The following PRSS23 variants were observed in gnomAD, a reference collection of about 807,000 sequenced individuals.
The protein encoded by PRSS23 is protease, serine 23.
In PRSS23, 25 loss-of-function variants were observed where a neutral mutation model predicts 34.7. The ratio of observed to expected loss-of-function variants is 0.72; its 90% confidence interval spans 0.53 to 1.01. The LOEUF is 1.01. Among genes scored for constraint, PRSS23 ranks in the 50% least tolerant of loss-of-function variants. PRSS23 has a pLI of 0.00. For missense variants in PRSS23, 445 were observed against 475.6 expected, an observed-to-expected ratio of 0.94 and a Z score of 0.60; for synonymous variants, 176 against 186.6, an observed-to-expected ratio of 0.94 and a Z score of 0.46.
chr11:86,851,579 A>T (rs753349782), intron 2 of PRSS23, among the ~76,000 whole-genome samples: 1 of 152,226 alleles, frequency 6.6e-6, no homozygotes, highest in African/African-American at 2.4e-5. Context: ...CCTGGTTCAA[A>T]TGGGAATTCA....
intron 2 of PRSS23, among the ~76,000 whole-genome samples, chr11:86,824,071 C>A (rs1349670775): frequency 1.4e-5 from 2 of 146,966 alleles, no homozygotes; most frequent in African/African-American, 2.5e-5. Context: ...GAAGTCAAAG[C>A]CAAAAGAGGG....
chr11:86,928,205 TTTATAC>T (rs1340229253), intron 2 of PRSS23, among the ~76,000 whole-genome samples: 1 of 136,960 alleles, frequency 7.3e-6, no homozygotes, highest in Non-Finnish European at 1.6e-5. Context: ...TTACAAATAT[TTTATAC>T]TTATAAATAT....
intron 2 of PRSS23, among the ~76,000 whole-genome samples, chr11:86,941,527 T>TA (rs1949207440): frequency 6.6e-6 from 1 of 152,214 alleles, no homozygotes; most frequent in Non-Finnish European, 1.5e-5. Flanking sequence ...TTTCCACATT[T>TA]AGAGTTTTAA....
intron 2 of PRSS23, chr11:86,832,908 G>A (rs1948371483): frequency 2.9e-6 from 1 of 344,278 alleles, no homozygotes; most frequent in African/African-American, 2.1e-5. Flanking sequence ...TGTGGGAGTT[G>A]AGAAGGGTCA....
intron 2 of PRSS23, chr11:86,833,451 T>C: frequency 8.0e-6 from 4 of 500,888 alleles, no homozygotes; most frequent in South Asian, 7.2e-5. Flanking sequence ...TTAGATTCTG[T>C]GGGTCTGTAT....
chr11:86,884,369 G>A (rs1441641592), intron 2 of PRSS23, among the ~76,000 whole-genome samples: 1 of 152,048 alleles, frequency 6.6e-6, no homozygotes, highest in Non-Finnish European at 1.5e-5. Flanking sequence ...GTGCGATCTC[G>A]GCTCACTGCC....
At chr11:86,796,417 G>C (rs1038348837), upstream of PRSS23, among the ~76,000 whole-genome samples, 1 of 151,938 alleles carries the variant, frequency 6.6e-6, no homozygotes, top group Non-Finnish European at 1.5e-5. Flanking sequence ...CGAGGCGGGC[G>C]GATCACGAGG....
chr11:86,942,902 C>T (rs2135028326), intron 2 of PRSS23, among the ~76,000 whole-genome samples: 2 of 152,312 alleles, frequency 1.3e-5, no homozygotes, highest in South Asian at 4.1e-4. Context: ...AAGCCCTTCT[C>T]CCAGTCTGGT....
chr11:86,903,117 T>G (rs1323495629), intron 2 of PRSS23, among the ~76,000 whole-genome samples: 4 of 152,154 alleles, frequency 2.6e-5, no homozygotes, highest in Non-Finnish European at 5.9e-5. Flanking sequence ...CTGGATATAT[T>G]TCTTCCTTCT....
chr11:86,835,163 A>C (rs778047767), intron 2 of PRSS23, among the ~76,000 whole-genome samples: 1 of 152,244 alleles, frequency 6.6e-6, no homozygotes, highest in African/African-American at 2.4e-5. Context: ...TTAAGTAAAC[A>C]GTTGTCTGAC....
At chr11:86,879,440 C>A in intron 2 of PRSS23, among the ~76,000 whole-genome samples, 1 of 150,186 alleles carries the variant, frequency 6.7e-6, no homozygotes, top group Non-Finnish European at 1.5e-5. Flanking sequence ...CCACCCCATC[C>A]GGGAGGGAGG....
At chr11:86,863,557 A>G (rs1235165945) in intron 2 of PRSS23, among the ~76,000 whole-genome samples, 1 of 152,166 alleles carries the variant, frequency 6.6e-6, no homozygotes, top group Admixed American at 6.5e-5. Context: ...GGAGATTTGA[A>G]TATTTGAGGT....
chr11:86,846,884 A>C (rs1405721482), intron 2 of PRSS23, among the ~76,000 whole-genome samples: 2 of 152,166 alleles, frequency 1.3e-5, no homozygotes, highest in Admixed American at 1.3e-4. Context: ...CATCAGGATA[A>C]TTTAAAGATA....
intron 1 of PRSS23, 94 bp from the exon 2 acceptor site, chr11:86,807,537 G>A: frequency 1.6e-6 from 2 of 1,222,244 alleles, no homozygotes; most frequent in South Asian, 1.5e-5. Context: ...CAAAGACTCA[G>A]AAACAATGAC....
chr11:86,916,476 G>T (rs1949013484), intron 2 of PRSS23, among the ~76,000 whole-genome samples: 1 of 152,164 alleles, frequency 6.6e-6, no homozygotes, highest in Admixed American at 6.5e-5. Context: ...GGAATTAAAA[G>T]GATTTTTCTT....
Position 86,905,999 on chromosome 11 carries a change from TTCAC to T in PRSS23, c.207-45213_207-45210del, listed in dbSNP as rs370602823. On this transcript the variant is annotated intron_variant, in intron 2 of 2. Coordinates refer to the PRSS23 transcript ENST00000533902. Reference sequence around the variant, plus strand: ...CCCACTGATGACATTCATTCACTCATTCACTCATTCATTCATTCATTCAACAATT... The same window carrying T: ...CCCACTGATGACATTCATTCACTCATTCATTCATTCATTCATTCAACAATT... 7.7e-3 allele frequency among the ~76,000 whole-genome samples: 1,177 copies of T among 152,234 alleles called. 18 individuals carry two copies. Among genetic ancestry groups the T allele is most frequent in the African/African-American group, 0.026 (1,097 of 41,502 alleles).
intron 2 of PRSS23, chr11:86,837,061 A>G (rs1374774092): frequency 6.6e-6 from 1 of 152,232 alleles, no homozygotes; most frequent in African/African-American, 2.4e-5. Flanking sequence ...CACTAGATTC[A>G]AGAATGTTCC....
chr11:86,925,765 C>A (rs2135008750), intron 2 of PRSS23, among the ~76,000 whole-genome samples: 1 of 152,270 alleles, frequency 6.6e-6, no homozygotes, highest in Middle Eastern at 3.4e-3. Context: ...GCAGTTGAAA[C>A]CTGAATTACT....
chr11:86,819,716 A>G (rs1158160236), intron 1 of PRSS23, among the ~76,000 whole-genome samples: 6 of 152,232 alleles, frequency 3.9e-5, no homozygotes, highest in African/African-American at 9.6e-5. Flanking sequence ...TTCTTGTCTC[A>G]AAATATGGTA....
Sources: gnomAD v4.1 joint callset for allele counts (sites outside exome capture counted in the v4.1 genomes callset) on GRCh38, gnomAD v4.1.1 for gene constraint, MANE v1.5 for transcripts, NCBI Gene and HGNC (gene_info 2026-07-23, HGNC 2026-07-21) for gene names.